Variants in CCDC144A observed in about 807,000 individuals in gnomAD.
The protein encoded by CCDC144A is coiled-coil domain containing 144A.
Under a neutral mutation model 143.8 loss-of-function variants are expected in CCDC144A, and 41 were observed. The observed-to-expected ratio is 0.29, with a 90% confidence interval of 0.22 to 0.37. CCDC144A has a LOEUF of 0.37. Ranked by LOEUF, CCDC144A falls within the 10% of genes least tolerant of loss-of-function variation. CCDC144A has a pLI of 1.00. For missense variants in CCDC144A, 637 were observed against 1,488.8 expected (o/e 0.43, Z 9.41); for synonymous variants, 242 against 517.9 (o/e 0.47, Z 7.23).
the CCDC144A span, among the ~76,000 whole-genome samples, chr17:16,672,407 T>G: frequency 3.1e-4 from 47 of 151,972 alleles, no homozygotes; most frequent in African/African-American, 1.1e-3. Flanking sequence ...ATCACGCCAT[T>G]GCACTCTAGC....
chr17:16,767,260 A>G (rs1915640857), intron 15 of CCDC144A: 2 of 150,214 alleles, frequency 1.3e-5, no homozygotes, highest in African/African-American at 5.0e-5. Context: ...GTGCCACTGC[A>G]CTGCAGCCCA....
intron 15 of CCDC144A, chr17:16,765,708 G>T (rs1915565884): frequency 6.6e-6 from 1 of 150,692 alleles, no homozygotes. Context: ...TTAAATGATT[G>T]TTTTAATACA....
intron 2 of CCDC144A, among the ~76,000 whole-genome samples, chr17:16,702,091 A>G (rs1911767286): frequency 6.6e-6 from 1 of 152,178 alleles, no homozygotes; most frequent in South Asian, 2.1e-4. Context: ...TGTCATAGGA[A>G]ATGCCAGTGT....
chr17:16,773,509 A>G lies in CCDC144A; in HGVS notation c.4154A>G (p.Tyr1385Cys), dbSNP rs1245029303. 3.2e-6 allele frequency: 5 copies of G among 1,542,060 alleles called. No homozygotes were observed. Among genetic ancestry groups the G allele is most frequent in the South Asian group, 2.4e-5 (2 of 81,888 alleles). ...CTTTTTTTTTCAGCTGCTACTAAAT[A>G]TGAACCTGGATCCTATATAGCTTCT... ...LTAEVAAATK[Y>C]EPGSYIASPL... Residue 1385 changes from tyrosine to cysteine, a missense_variant, in exon 17 of 17, where the codon TAT (tyrosine) becomes TGT (cysteine). Transcript: ENST00000399273.
intron 6 of CCDC144A, among the ~76,000 whole-genome samples, chr17:16,715,277 T>C (rs1436901200): frequency 3.3e-5 from 5 of 149,664 alleles, no homozygotes; most frequent in African/African-American, 9.9e-5. Flanking sequence ...TACCCTTCGG[T>C]GTATTGTTTT....
At chr17:16,723,178 G>C (rs1913193967) in intron 8 of CCDC144A, among the ~76,000 whole-genome samples, 1 of 151,956 alleles carries the variant, frequency 6.6e-6, no homozygotes. Flanking sequence ...TTCTTTTATA[G>C]ATATAGGACA....
At chr17:16,696,415 A>G (rs942388950) in intron 2 of CCDC144A, among the ~76,000 whole-genome samples, 2 of 151,280 alleles carry the variant, frequency 1.3e-5, no homozygotes, top group African/African-American at 4.9e-5. Context: ...GCAGATCACA[A>G]GGTCAGGAGA....
intron 12 of CCDC144A, among the ~76,000 whole-genome samples, chr17:16,741,661 C>T (rs779221945): frequency 6.6e-6 from 1 of 151,940 alleles, no homozygotes; most frequent in Non-Finnish European, 1.5e-5. Flanking sequence ...TTACCCAGGC[C>T]GGCCTTGACC....
chr17:16,668,756 A>T, the CCDC144A span, among the ~76,000 whole-genome samples: 1 of 152,226 alleles, frequency 6.6e-6, no homozygotes, highest in Non-Finnish European at 1.5e-5. Flanking sequence ...GGGTGCTTTC[A>T]ACAAGAGACA....
At chr17:16,757,214 T>C (rs2143347165) in intron 12 of CCDC144A, among the ~76,000 whole-genome samples, 1 of 152,360 alleles carries the variant, frequency 6.6e-6, no homozygotes, top group Non-Finnish European at 1.5e-5. Context: ...GGCCGGACCT[T>C]GGATCCCTTG....
chr17:16,764,086 A>T lies in CCDC144A; in HGVS notation c.4009A>T (p.Asn1337Tyr). ...RPVLESPCVG[N>Y]LNDSEGLNRK... ...AGTCCTAGAGTCACCTTGCGTTGGA[A>T]ATCTTAATGATAGTGAAGGTCTCAA... is the stretch of plus-strand genomic sequence containing the variant. The change falls in exon 15 of 17, where the codon AAT (asparagine) becomes TAT (tyrosine). Residue 1337 changes from asparagine (N) to tyrosine (Y), a missense_variant. Asn to Tyr is a moderately radical substitution (Grantham distance 143). Coordinates refer to ENST00000399273, the MANE Select transcript of CCDC144A (RefSeq NM_001382000.1). 1 of 1,613,746 alleles carries T rather than the reference A, an allele frequency of 6.2e-7. No individual in the cohort carries two copies. Among genetic ancestry groups the T allele is most frequent in the Non-Finnish European group, 8.5e-7 (1 of 1,179,696 alleles).
chr17:16,684,091 G>A, the CCDC144A span: 2 of 980,334 alleles, frequency 2.0e-6, no homozygotes, highest in South Asian at 1.3e-5. Context: ...CAGACAGTAT[G>A]TTTACGATAA....
At chr17:16,674,690 A>C in the CCDC144A span, among the ~76,000 whole-genome samples, 1 of 152,146 alleles carries the variant, frequency 6.6e-6, no homozygotes, top group Non-Finnish European at 1.5e-5. Flanking sequence ...AATAAACCAC[A>C]GAACCAAAAC....
At chr17:16,715,472 A>G (rs2656391) in intron 6 of CCDC144A, among the ~76,000 whole-genome samples, 73 of 152,270 alleles carry the variant, frequency 4.8e-4, no homozygotes, top group African/African-American at 1.7e-3. Flanking sequence ...CAATATTGTC[A>G]TTACTCACTA....
At chr17:16,756,447 ATTTCTG>A (rs1251044187) in intron 12 of CCDC144A, among the ~76,000 whole-genome samples, 10 of 150,656 alleles carry the variant, frequency 6.6e-5, no homozygotes, top group Admixed American at 5.9e-4. Context: ...CAGTTCCAGG[ATTTCTG>A]TTTGGTTCCT....
At position 16,690,344 on chromosome 17, in the gene CCDC144A, T is replaced by A. The variant is rs906604285; in HGVS notation, c.-57T>A. ...GCTTGGCGGTCCTCCTTTCGCAGAT[T>A]GGAAACCGCGGGCTATCCTGCTGGG... On this transcript the variant is annotated 5_prime_UTR_variant, in exon 1 of 17. Coordinates refer to ENST00000399273, the MANE Select transcript of CCDC144A (RefSeq NM_001382000.1). 6.6e-5 allele frequency: 90 copies of A among 1,368,636 alleles called. 1 individual carries two copies. The highest frequency in any genetic ancestry group is 8.4e-5 in the Non-Finnish European group (86 of 1,023,226). 84.8% of individuals were successfully genotyped at this position (1,368,636 alleles called of 1,614,324 possible).
rs544777944 is a variant in CCDC144A at position 16,707,836 on chromosome 17, A to G, written c.738+294A>G. On this transcript the variant is annotated intron_variant, in intron 4 of 16. Transcript: ENST00000399273. ...CTTATGGGATAAAGAAGATAATGTC[A>G]ATTATTGACATATTATTAAGCAGCA... Among the ~76,000 whole-genome samples, 200 of 152,332 alleles carry G rather than the reference A, an allele frequency of 1.3e-3. 1 individual carries two copies. The highest frequency in any genetic ancestry group is 4.7e-3 in the African/African-American group (196 of 41,572).
upstream of CCDC144A, among the ~76,000 whole-genome samples, chr17:16,686,549 T>G (rs1161197731): frequency 2.0e-5 from 3 of 152,036 alleles, no homozygotes; most frequent in Admixed American, 6.5e-5. Flanking sequence ...CTTATGCCTG[T>G]AATCCCAGCA....
At chr17:16,745,737 T>C (rs1914470596) in intron 12 of CCDC144A, 16 of 1,614,066 alleles carry the variant, frequency 9.9e-6, no homozygotes, top group Non-Finnish European at 1.4e-5. Flanking sequence ...TCCTGGATCA[T>C]ACAGCTGCAA....
Sources: allele counts gnomAD v4.1 joint callset (sites outside exome capture counted in the v4.1 genomes callset), GRCh38; gene constraint gnomAD v4.1.1; transcripts MANE v1.5; gene names NCBI Gene and HGNC (gene_info 2026-07-23, HGNC 2026-07-21).